WIPI2: variants seen among roughly 807,000 people sequenced by gnomAD.
WIPI2 encodes the protein WD repeat domain phosphoinositide-interacting protein 2.
A neutral mutation model predicts 52.3 loss-of-function variants in WIPI2; 28 were observed. That is an observed-to-expected ratio of 0.54 (90% CI 0.40 to 0.73). WIPI2 has a LOEUF of 0.73. Among genes scored for constraint, WIPI2 ranks in the 30% least tolerant of loss-of-function variants. The probability of loss-of-function intolerance (pLI) is 0.00; values close to 1 mark genes in which losing one functional copy is unlikely to be tolerated. For synonymous variants in WIPI2, 268 were observed against 245.0 expected, an observed-to-expected ratio of 1.09 and a Z score of -0.88; for missense variants, 506 against 602.9, an observed-to-expected ratio of 0.84 and a Z score of 1.68.
chr7:5,221,937 A>G (rs1783152410), intron 7 of WIPI2, among the ~76,000 whole-genome samples: 1 of 148,868 alleles, frequency 6.7e-6, no homozygotes, highest in Non-Finnish European at 1.5e-5. Flanking sequence ...TACCACACAC[A>G]AATCCAGGCT....
rs576929297 is a variant in WIPI2, at chr7:5,193,236, G to A, written c.128+65G>A. 1.9e-6 allele frequency: 3 copies of A among 1,584,304 alleles called. No homozygotes were observed. In the South Asian group the frequency reaches 3.5e-5, roughly 18 times the overall value. ...AGGCTTATGTTAGAGGACTTTTTTGGCTTTTTGAAATTGCAGTGAACCAGT... is the reference window on the plus strand; with the variant it reads ...AGGCTTATGTTAGAGGACTTTTTTGACTTTTTGAAATTGCAGTGAACCAGT... On this transcript the variant is annotated intron_variant, in intron 2 of 12. Transcript: ENST00000288828.
chr7:5,203,271 G>GTTT (rs1782119599), intron 3 of WIPI2, among the ~76,000 whole-genome samples: 1 of 152,200 alleles, frequency 6.6e-6, no homozygotes, highest in African/African-American at 2.4e-5. Flanking sequence ...ATCCTACAGA[G>GTTT]GAGAAACCAC....
chr7:5,193,019 C>T (rs1781552495), intron 1 of WIPI2, 99 bp from the exon 2 acceptor site: 1 of 1,144,410 alleles, frequency 8.7e-7, no homozygotes, highest in African/African-American at 1.5e-5. Context: ...ATATGATTTC[C>T]AATGTCGTAC....
chr7:5,212,663 A>G (rs1372693237), intron 3 of WIPI2, among the ~76,000 whole-genome samples: 1 of 152,170 alleles, frequency 6.6e-6, no homozygotes, highest in East Asian at 1.9e-4. Flanking sequence ...CTACACAGGC[A>G]TGCACCACCA....
intron 8 of WIPI2, among the ~76,000 whole-genome samples, chr7:5,225,355 A>C (rs561569319): frequency 1.3e-5 from 2 of 152,066 alleles, no homozygotes; most frequent in Admixed American, 6.5e-5. Context: ...GTTGGCCAGG[A>C]TGGTCTCGAT....
chr7:5,228,449 C>G lies in WIPI2; in HGVS notation c.1121+238C>G, dbSNP rs146474198. Among the ~76,000 whole-genome samples the G allele has an allele frequency of 3.5e-3, 528 of 152,364 alleles. 5 individuals are homozygous for G. The highest frequency in any genetic ancestry group is 0.012 in the African/African-American group (515 of 41,588). On this transcript the variant is annotated intron_variant, in intron 11 of 12. Coordinates refer to ENST00000288828, the MANE Select transcript of WIPI2 (RefSeq NM_015610.4). ...CGTCAGGGCTCCCTCAGGGACTGGG[C>G]ACAGAGGCGACGCAGGGGTGGCGGG...
chr7:5,223,499 C>T (rs977823792), intron 8 of WIPI2, among the ~76,000 whole-genome samples: 6 of 152,192 alleles, frequency 3.9e-5, no homozygotes, highest in Admixed American at 2.6e-4. Flanking sequence ...CCTGCCTCCT[C>T]GTGTCCCTTG....
intron 11 of WIPI2, among the ~76,000 whole-genome samples, chr7:5,228,805 T>C (rs1392278962): frequency 6.6e-6 from 1 of 152,192 alleles, no homozygotes; most frequent in Non-Finnish European, 1.5e-5. Context: ...CACAGCTCAC[T>C]GCAGCCTTGA....
At position 5,229,604 on chromosome 7, in the gene WIPI2, C is replaced by G. The variant is rs746345302; in HGVS notation, c.1122-4C>G. 1 of 1,612,460 alleles carries G rather than the reference C, an allele frequency of 6.2e-7. No homozygotes were observed. Among genetic ancestry groups the G allele is most frequent in the South Asian group, 1.1e-5 (1 of 90,716 alleles). Reference sequence around the variant, plus strand: ...GCTGAGCTGTGTCGCTTTCTTCCCTCCAGGCTGGACGGCAGTCTGGAAACG... The same window carrying G: ...GCTGAGCTGTGTCGCTTTCTTCCCTGCAGGCTGGACGGCAGTCTGGAAACG... On this transcript the variant is annotated splice_polypyrimidine_tract_variant and splice_region_variant and intron_variant, in intron 11 of 12. Transcript: ENST00000288828.
chr7:5,213,572 C>A (rs1421671183), intron 3 of WIPI2, among the ~76,000 whole-genome samples: 1 of 152,230 alleles, frequency 6.6e-6, no homozygotes, highest in Non-Finnish European at 1.5e-5. Context: ...TAGCCAGGAG[C>A]CACAGGCCAC....
chr7:5,224,814 G>A (rs1346384199), intron 8 of WIPI2, among the ~76,000 whole-genome samples: 3 of 152,278 alleles, frequency 2.0e-5, no homozygotes, highest in Middle Eastern at 3.4e-3. Flanking sequence ...GAACAAGGAC[G>A]GCTTGGAGAT....
chr7:5,211,291 G>T (rs1396160118), intron 3 of WIPI2, among the ~76,000 whole-genome samples: 1 of 152,140 alleles, frequency 6.6e-6, no homozygotes, highest in Non-Finnish European at 1.5e-5. Flanking sequence ...GGCCAACATG[G>T]TGAAACCCTG....
At position 5,231,849 on chromosome 7, in the gene WIPI2, C is replaced by T. The variant is rs530052739; in HGVS notation, c.*902C>T. On this transcript the variant is annotated 3_prime_UTR_variant, in exon 13 of 13. Transcript: ENST00000288828. Reference sequence around the variant, plus strand: ...GTCTGAGCTGTCCTTTCGCTGGCCCCGCTGTCCGCAGGGGCTTCCTACCTG... The same window carrying T: ...GTCTGAGCTGTCCTTTCGCTGGCCCTGCTGTCCGCAGGGGCTTCCTACCTG... 2.2e-4 allele frequency: 50 copies of T among 226,312 alleles called. No homozygotes were observed. Among genetic ancestry groups the T allele is most frequent in the South Asian group, 7.3e-4 (4 of 5,474 alleles). The allele number at this position is 226,312 out of a possible 1,614,324, so 14.0% of individuals were successfully genotyped here.
At chr7:5,196,002 C>T (rs772884555) in intron 2 of WIPI2, among the ~76,000 whole-genome samples, 21 of 151,462 alleles carry the variant, frequency 1.4e-4, no homozygotes, top group Non-Finnish European at 1.9e-4. Flanking sequence ...CACATCACTG[C>T]ACTCTAGCCT....
At chr7:5,203,950 G>A (rs998003507) in intron 3 of WIPI2, among the ~76,000 whole-genome samples, 1 of 152,194 alleles carries the variant, frequency 6.6e-6, no homozygotes, top group African/African-American at 2.4e-5. Context: ...GTGTCAGCGT[G>A]AGTGCCTCTT....
At chr7:5,194,172 G>C (rs1258956171) in intron 2 of WIPI2, among the ~76,000 whole-genome samples, 1 of 151,808 alleles carries the variant, frequency 6.6e-6, no homozygotes, top group Non-Finnish European at 1.5e-5. Flanking sequence ...ATACTGATGA[G>C]TTGGAAAGGC....
At chr7:5,198,078 T>C (rs1427583973) in intron 2 of WIPI2, among the ~76,000 whole-genome samples, 2 of 152,222 alleles carry the variant, frequency 1.3e-5, no homozygotes, top group African/African-American at 2.4e-5. Flanking sequence ...TATGGACTCA[T>C]AAACGCAAGG....
intron 8 of WIPI2, among the ~76,000 whole-genome samples, chr7:5,223,452 C>G (rs1783252009): frequency 6.6e-6 from 1 of 152,138 alleles, no homozygotes; most frequent in Non-Finnish European, 1.5e-5. Context: ...GCAGCAGGTG[C>G]ACCTCAGTAT....
rs35062616 is a variant in WIPI2, at chr7:5,230,849, C to G, written c.1267C>G (p.Leu423Val). Residue 423 changes from leucine (L) to valine (V), a missense_variant, in exon 13 of 13, where the codon CTG (leucine) becomes GTG (valine). Coordinates refer to ENST00000288828, the MANE Select transcript of WIPI2 (RefSeq NM_015610.4). The surrounding 1 kb of genome is among the most constrained non-coding windows in gnomAD (Gnocchi z 4.8). Reference protein sequence around the residue: ...SPTRLAYTDDLGAVGGACLED... With the variant: ...SPTRLAYTDDVGAVGGACLED... ...TCTCTTTGCAGCCTACACAGACGAC[C>G]TGGGTGCTGTGGGTGGCGCCTGCCT... The G allele has an allele frequency of 9.3e-6, 15 of 1,613,598 alleles. No individual in the cohort carries two copies. The Admixed American group carries it at 1.3e-4, about 14-fold the overall frequency.
Sources: allele counts gnomAD v4.1 joint callset (sites outside exome capture counted in the v4.1 genomes callset), GRCh38; gene constraint gnomAD v4.1.1; non-coding constraint Gnocchi (gnomAD v3.1); transcripts MANE v1.5; gene names NCBI Gene and HGNC (gene_info 2026-07-23, HGNC 2026-07-21).